The following AP4E1 variants were observed in gnomAD, a reference collection of about 807,000 sequenced individuals.
The protein encoded by AP4E1 is adaptor related protein complex 4 subunit epsilon 1.
AP4E1 carries 56 observed loss-of-function variants against 128.2 expected under a neutral mutation model. The observed-to-expected ratio is 0.44, with a 90% CI of 0.35 to 0.55. AP4E1 has a LOEUF of 0.55. AP4E1 is among the 20% of genes least tolerant of loss of function. AP4E1 has a pLI of 0.00. For synonymous variants in AP4E1, 484 were observed against 473.1 expected (o/e 1.02, Z -0.30); for missense variants, 1,324 against 1,307.7 (o/e 1.01, Z -0.19).
At chr15:50,999,375 C>A in intron 19 of AP4E1, 113 bp downstream of exon 19, 2 of 884,224 alleles carry the variant, frequency 2.3e-6, no homozygotes, top group Non-Finnish European at 3.5e-6. Flanking sequence ...CAGTTAAAAA[C>A]TACGCACAGT....
chr15:50,945,298 G>A, intron 10 of AP4E1: 1 of 781,782 alleles, frequency 1.3e-6, no homozygotes, highest in Admixed American at 1.7e-5. Context: ...TTTCTCTTGG[G>A]AAGTTTGTGC....
chr15:50,925,597 T>C (rs1323224246), intron 5 of AP4E1, among the ~76,000 whole-genome samples: 1 of 151,824 alleles, frequency 6.6e-6, no homozygotes, highest in African/African-American at 2.4e-5. Flanking sequence ...TGTGCAAGTG[T>C]TGTGAATGCA....
chr15:50,971,143 G>A (rs2140897935), intron 15 of AP4E1, among the ~76,000 whole-genome samples: 1 of 152,282 alleles, frequency 6.6e-6, no homozygotes, highest in South Asian at 2.1e-4. Flanking sequence ...TGGTGATGAA[G>A]TTCTTGATTT....
chr15:50,921,116 A>AT (rs34930404), intron 3 of AP4E1, among the ~76,000 whole-genome samples: 119,890 of 151,454 alleles, frequency 0.79, 48,005 homozygotes, highest in African/African-American at 0.9. Flanking sequence ...ATGCCTTATT[A>AT]TTTTTTTTAT....
In AP4E1 at chr15:50,984,020, A is replaced by G; in HGVS notation, c.1967-2A>G. Reference sequence around the variant, plus strand: ...ACCTCTGTTATTATTTTAAAATTCTAGTTCTCAATTTTGAACCATATGGAC... The same window carrying G: ...ACCTCTGTTATTATTTTAAAATTCTGGTTCTCAATTTTGAACCATATGGAC... On this transcript the variant is annotated splice_acceptor_variant, in intron 15 of 20. Coordinates refer to ENST00000261842, the MANE Select transcript of AP4E1 (RefSeq NM_007347.5). LOFTEE classifies it high-confidence loss of function. The G allele has an allele frequency of 6.2e-7, 1 of 1,612,428 alleles. No individual in the cohort carries two copies. The highest frequency in any genetic ancestry group is 8.5e-7 in the Non-Finnish European group (1 of 1,178,898).
rs529061218 is a variant in AP4E1 at position 50,985,261 on chromosome 15, C to T, written c.2090+1116C>T. 2.6e-5 allele frequency among the ~76,000 whole-genome samples: 4 copies of T among 152,178 alleles called. No individual in the cohort carries two copies. In the South Asian group the frequency reaches 8.3e-4, roughly 32 times the overall value. Reference sequence around the variant, plus strand: ...AAATTTTTTCCCATTCTGTAGGTTGCCTGTTCACTCTGATGTTAGTTTCTT... The same window carrying T: ...AAATTTTTTCCCATTCTGTAGGTTGTCTGTTCACTCTGATGTTAGTTTCTT... On this transcript the variant is annotated intron_variant, in intron 16 of 20. Coordinates refer to ENST00000261842, the MANE Select transcript of AP4E1 (RefSeq NM_007347.5).
chr15:50,931,772 C>T (rs775133835), intron 7 of AP4E1, among the ~76,000 whole-genome samples: 1 of 152,050 alleles, frequency 6.6e-6, no homozygotes, highest in Non-Finnish European at 1.5e-5. Flanking sequence ...CTATTTCAAA[C>T]TGTAAAATCT....
chr15:50,907,972 G>A (rs577367440), upstream of AP4E1, among the ~76,000 whole-genome samples: 143 of 152,356 alleles, frequency 9.4e-4, 3 homozygotes, highest in Non-Finnish European at 4.0e-4. Context: ...CTGTGAGAGG[G>A]TGGGACTTGG....
chr15:50,960,455 T>A (rs2170011), intron 14 of AP4E1, among the ~76,000 whole-genome samples: 1 of 151,700 alleles, frequency 6.6e-6, no homozygotes. Flanking sequence ...AACTAGAAAT[T>A]AATAATAAAA....
intron 14 of AP4E1, among the ~76,000 whole-genome samples, chr15:50,966,986 C>G (rs973335182): frequency 2.0e-5 from 3 of 152,208 alleles, no homozygotes; most frequent in Admixed American, 6.5e-5. Context: ...CTGAGGTCAT[C>G]ACTGCTCTCT....
intron 6 of AP4E1, 144 bp downstream of exon 6, chr15:50,929,312 A>G (rs1027805404): frequency 5.3e-6 from 5 of 936,546 alleles, no homozygotes; most frequent in African/African-American, 3.3e-5. Flanking sequence ...TAGTTTTGCA[A>G]GTTGTTGAGA....
In AP4E1 at chr15:50,997,377, A is replaced by G; in HGVS notation, c.2398A>G (p.Lys800Glu). ...CAAGTTCAGAAGGAAATCAAAAGTC[A>G]AAGAAGCTAAAAGTGGCGAAACAAC... ...SHKFRRKSKVKEAKSGETTST... is the reference protein window; with the variant it reads ...SHKFRRKSKVEEAKSGETTST... Residue 800 changes from lysine (K) to glutamate (E), a missense_variant, in exon 18 of 21, where the codon AAA (lysine) becomes GAA (glutamate). Lys to Glu is a moderately conservative substitution (Grantham distance 56, BLOSUM62 1). Transcript: ENST00000261842. The G allele has an allele frequency of 6.2e-7, 1 of 1,604,066 alleles. No individual in the cohort carries two copies. Among genetic ancestry groups the G allele is most frequent in the East Asian group, 2.2e-5 (1 of 44,780 alleles).
At position 50,922,107 on chromosome 15, in the gene AP4E1, G is replaced by A. The variant is rs1441190357; in HGVS notation, c.347-1824G>A. ...TTGGGAAGCTAAGGTGGGAGGGATC[G>A]CTTGAGTCTGGGCGTTTGAGACCAG... On this transcript the variant is annotated intron_variant, in intron 3 of 20. Coordinates refer to ENST00000261842, the MANE Select transcript of AP4E1 (RefSeq NM_007347.5). Among the ~76,000 whole-genome samples the A allele has an allele frequency of 2.8e-5, 4 of 144,218 alleles. No individual in the cohort carries two copies. In the East Asian group the frequency reaches 6.4e-4, roughly 23 times the overall value. The allele number at this position is 144,218 out of a possible 152,430, so 94.6% of individuals were successfully genotyped here. A position where few individuals can be genotyped will look rare whatever the true frequency, so the allele number is the denominator to read the frequency against.
chr15:50,914,453 C>A (rs553135852), intron 2 of AP4E1, among the ~76,000 whole-genome samples: 8 of 152,020 alleles, frequency 5.3e-5, no homozygotes, highest in Admixed American at 2.0e-4. Flanking sequence ...GAGTTTGAGA[C>A]CAGCCTGGCC....
In AP4E1 at chr15:50,948,055, G is replaced by A. The variant is rs2064086940; in HGVS notation, c.1212G>A (p.Gln404=). The change falls in exon 11 of 21, where the codon CAG becomes CAA. Residue 404 remains glutamine (Q), a synonymous_variant. Coordinates refer to ENST00000261842, the MANE Select transcript of AP4E1 (RefSeq NM_007347.5). ...LELLYRITNA[Q]NITVIVQKML... is the part of the protein sequence containing the mutation. ...TTCTTTACAGAATTACTAATGCACA[G>A]AATATAACAGTTATTGTCCAGAAAA... 4 of 1,609,688 alleles carry A rather than the reference G, an allele frequency of 2.5e-6. No homozygotes were observed. The highest frequency in any genetic ancestry group is 3.4e-6 in the Non-Finnish European group (4 of 1,176,298).
intron 19 of AP4E1, among the ~76,000 whole-genome samples, chr15:50,999,823 G>A (rs1265373879): frequency 4.0e-5 from 6 of 151,580 alleles, no homozygotes; most frequent in Admixed American, 3.9e-4. Flanking sequence ...TTTGGCAGTA[G>A]GTATATCTCC....
chr15:50,931,466 T>A (rs1389284603), intron 7 of AP4E1, among the ~76,000 whole-genome samples: 1 of 152,054 alleles, frequency 6.6e-6, no homozygotes, highest in Non-Finnish European at 1.5e-5. Flanking sequence ...CTCGGGAGGC[T>A]GAGGTAGGAG....
chr15:50,934,693 A>G lies in AP4E1; in HGVS notation c.939A>G (p.Thr313=). The G allele has an allele frequency of 1.9e-6, 3 of 1,593,946 alleles. No individual in the cohort carries two copies. Among genetic ancestry groups the G allele is most frequent in the Admixed American group, 1.7e-5 (1 of 59,948 alleles). The change falls in exon 8 of 21, where the codon ACA becomes ACG. Residue 313 remains threonine (T), a synonymous_variant. Transcript: ENST00000261842. The part of the protein sequence containing the change: ...LRRAELNHNV[T]YAILFECVHT... The stretch of plus-strand genomic sequence containing the variant: ...GAGCTGAGTTAAATCACAATGTCAC[A>G]TATGGTAGGTAATATATGTAAATAT...
intron 13 of AP4E1, among the ~76,000 whole-genome samples, chr15:50,951,118 T>C (rs2064143649): frequency 6.6e-6 from 1 of 152,210 alleles, no homozygotes; most frequent in Non-Finnish European, 1.5e-5. Context: ...TATCTCATAG[T>C]TTCTGTGGGT....
Sources: allele counts gnomAD v4.1 joint callset (sites outside exome capture counted in the v4.1 genomes callset), GRCh38; gene constraint gnomAD v4.1.1; transcripts MANE v1.5; gene names NCBI Gene and HGNC (gene_info 2026-07-23, HGNC 2026-07-21).